MSI2: variants seen among roughly 807,000 people sequenced by gnomAD.
MSI2 encodes RNA-binding protein Musashi homolog 2.
MSI2 carries 17 observed loss-of-function variants against 45.6 expected under a neutral mutation model. The observed-to-expected ratio is 0.37, with a 90% CI of 0.26 to 0.56. MSI2 has a LOEUF of 0.56. Ranked by LOEUF, MSI2 falls within the 20% of genes least tolerant of loss-of-function variation. The probability of loss-of-function intolerance (pLI) is 0.77; values close to 1 mark genes in which losing one functional copy is unlikely to be tolerated. For missense variants in MSI2, 293 were observed against 444.2 expected (o/e 0.66, Z 3.06); for synonymous variants, 156 against 158.2 (o/e 0.99, Z 0.11).
chr17:57,284,117 C>A (rs1174151266), intron 5 of MSI2, among the ~76,000 whole-genome samples: 2 of 152,178 alleles, frequency 1.3e-5, no homozygotes, highest in Non-Finnish European at 2.9e-5. Context: ...TCAAAAGGGG[C>A]CCGCTGAGTT....
At chr17:57,393,363 T>C (rs2083830052) in intron 5 of MSI2, among the ~76,000 whole-genome samples, 1 of 152,224 alleles carries the variant, frequency 6.6e-6, no homozygotes, top group African/African-American at 2.4e-5. Context: ...AGATAAGGGA[T>C]ACCCAAACTG....
At chr17:57,591,413 A>G (rs1904811845) in intron 7 of MSI2, among the ~76,000 whole-genome samples, 2 of 152,218 alleles carry the variant, frequency 1.3e-5, no homozygotes, top group African/African-American at 4.8e-5. Flanking sequence ...TTATATGAGA[A>G]AATTCATAGT....
chr17:57,396,554 T>C (rs2083894192), intron 5 of MSI2, among the ~76,000 whole-genome samples: 1 of 152,210 alleles, frequency 6.6e-6, no homozygotes, highest in African/African-American at 2.4e-5. Context: ...AAGCCAGCTC[T>C]CTGTTTAGAG....
intron 5 of MSI2, among the ~76,000 whole-genome samples, chr17:57,390,697 C>T (rs1196921798): frequency 1.3e-5 from 2 of 152,188 alleles, no homozygotes; most frequent in African/African-American, 2.4e-5. Context: ...AGTTTTTATA[C>T]ACTCGCTCCT....
intron 5 of MSI2, among the ~76,000 whole-genome samples, chr17:57,348,466 C>A (rs528242361): frequency 4.2e-4 from 64 of 152,120 alleles, no homozygotes; most frequent in Non-Finnish European, 7.3e-4. Flanking sequence ...ATCAAGGGGG[C>A]AGATCCCTCA....
intron 6 of MSI2, among the ~76,000 whole-genome samples, chr17:57,410,496 G>T (rs73991812): frequency 0.26 from 39,593 of 151,470 alleles, 5,480 homozygotes; most frequent in African/African-American, 0.33. Flanking sequence ...TCTATTTGGC[G>T]ATTATTTCTG....
chr17:57,477,610 C>T (rs531915481), intron 6 of MSI2, among the ~76,000 whole-genome samples: 1 of 152,216 alleles, frequency 6.6e-6, no homozygotes, highest in Non-Finnish European at 1.5e-5. Context: ...ACAAAGCCTA[C>T]TGAGTGCTCT....
intron 10 of MSI2, among the ~76,000 whole-genome samples, chr17:57,635,505 C>T (rs8071549): frequency 0.4 from 60,164 of 152,188 alleles, 12,517 homozygotes; most frequent in Non-Finnish European, 0.46. Flanking sequence ...TGGCCCTAAC[C>T]GCCAAAAGGC....
the MSI2 span, among the ~76,000 whole-genome samples, chr17:57,697,637 G>A: frequency 1.3e-5 from 2 of 152,146 alleles, no homozygotes; most frequent in African/African-American, 2.4e-5. Context: ...ATGGACTCAC[G>A]GTCTCACGTA....
At chr17:57,570,969 G>T (rs1456383702) in intron 7 of MSI2, among the ~76,000 whole-genome samples, 1 of 152,156 alleles carries the variant, frequency 6.6e-6, no homozygotes, top group African/African-American at 2.4e-5. Flanking sequence ...GGCCTCTGGG[G>T]CCCCTCCCCC....
At chr17:57,379,899 T>C (rs2083570118) in intron 5 of MSI2, among the ~76,000 whole-genome samples, 1 of 152,254 alleles carries the variant, frequency 6.6e-6, no homozygotes, top group Non-Finnish European at 1.5e-5. Context: ...TCTTTGTTTT[T>C]TGGCCTGGCC....
In MSI2 at chr17:57,273,818, G is replaced by A. The variant is rs141803007; in HGVS notation, c.312+11626G>A. Among the ~76,000 whole-genome samples the A allele has an allele frequency of 2.3e-4, 35 of 152,330 alleles. No individual in the cohort carries two copies. The East Asian group carries it at 6.4e-3, about 28-fold the overall frequency. On this transcript the variant is annotated intron_variant, in intron 5 of 13. Coordinates refer to ENST00000284073, the MANE Select transcript of MSI2 (RefSeq NM_138962.4). ...GTCTTTCCCCAAGCTATAAAGAGAC[G>A]GTGGAGTGAGGATGATCAGACCCCC...
rs114627596 is a variant in MSI2, at chr17:57,429,927, A to G, written c.405+28456A>G. ...GCCATTCTTGCCCCCATCACTTCCC[A>G]AGTGTGTGACCTTGGGCAAATTCAT... On this transcript the variant is annotated intron_variant, in intron 6 of 13. Coordinates refer to ENST00000284073, the MANE Select transcript of MSI2 (RefSeq NM_138962.4). Among the ~76,000 whole-genome samples the G allele has an allele frequency of 3.9e-3, 593 of 152,236 alleles. 3 individuals carry two copies. Among genetic ancestry groups the G allele is most frequent in the African/African-American group, 0.014 (566 of 41,534 alleles).
intron 6 of MSI2, among the ~76,000 whole-genome samples, chr17:57,437,790 C>T (rs902858909): frequency 6.6e-6 from 1 of 152,200 alleles, no homozygotes; most frequent in African/African-American, 2.4e-5. Context: ...AGTTAGTATC[C>T]TGCTTCTAGT....
chr17:57,261,304 G>A (rs770232283), intron 4 of MSI2, among the ~76,000 whole-genome samples: 39 of 151,986 alleles, frequency 2.6e-4, no homozygotes, highest in Non-Finnish European at 4.6e-4. Context: ...GTTGGGGTAG[G>A]GGAATTCCCT....
In MSI2 at chr17:57,684,012, G is replaced by A; in HGVS notation, c.*4495G>A. The A allele has an allele frequency of 4.4e-6, 1 of 228,420 alleles. No individual in the cohort carries two copies. Among genetic ancestry groups the A allele is most frequent in the Admixed American group, 5.7e-5 (1 of 17,630 alleles). The allele number at this position is 228,420 out of a possible 1,614,324, so 14.1% of individuals were successfully genotyped here. A position where few individuals can be genotyped will look rare whatever the true frequency, so the allele number is the denominator to read the frequency against. Reference sequence around the variant, plus strand: ...AATCCATCCCTCTTGTCGGGGACCTGCAGGGGGGCAACCTTAATCCAAACA... The same window carrying A: ...AATCCATCCCTCTTGTCGGGGACCTACAGGGGGGCAACCTTAATCCAAACA... On this transcript the variant is annotated 3_prime_UTR_variant, in exon 14 of 14. Coordinates refer to ENST00000284073, the MANE Select transcript of MSI2 (RefSeq NM_138962.4).
intron 6 of MSI2, among the ~76,000 whole-genome samples, chr17:57,503,814 G>T (rs973871479): frequency 6.6e-6 from 1 of 152,198 alleles, no homozygotes; most frequent in South Asian, 2.1e-4. Context: ...GCGCAATCGC[G>T]GCTCACGACA....
chr17:57,626,532 C>G (rs1005025754), intron 9 of MSI2: 1 of 152,260 alleles, frequency 6.6e-6, no homozygotes, highest in African/African-American at 2.4e-5. Flanking sequence ...CACTCACCCC[C>G]TAGCTTGCCT....
At chr17:57,647,255 C>A (rs1910731136) in intron 10 of MSI2, among the ~76,000 whole-genome samples, 1 of 124,608 alleles carries the variant, frequency 8.0e-6, no homozygotes, top group African/African-American at 3.2e-5. Context: ...ATGGTGAAAT[C>A]TCGACTCTAC....
Sources: gnomAD v4.1 joint callset for allele counts (sites outside exome capture counted in the v4.1 genomes callset) on GRCh38, gnomAD v4.1.1 for gene constraint, MANE v1.5 for transcripts, NCBI Gene and HGNC (gene_info 2026-07-23, HGNC 2026-07-21) for gene names.